The following NCOR1 variants were observed in gnomAD, a reference collection of about 807,000 sequenced individuals.
The protein encoded by NCOR1 is protein phosphatase 1, regulatory subunit 109.
In NCOR1, 63 loss-of-function variants were observed where a neutral mutation model predicts 288.1. That is an observed-to-expected ratio of 0.22 (90% CI 0.18 to 0.27). The LOEUF (loss-of-function observed/expected upper bound fraction) is 0.27, where lower values mean the gene tolerates loss of function less well. Ranked by LOEUF, NCOR1 falls within the 10% of genes least tolerant of loss-of-function variation. The probability of loss-of-function intolerance (pLI) is 1.00; values close to 1 mark genes in which losing one functional copy is unlikely to be tolerated. For missense variants in NCOR1, 2,397 were observed against 3,019.2 expected, an observed-to-expected ratio of 0.79 and a Z score of 4.83; for synonymous variants, 1,007 against 1,065.9, an observed-to-expected ratio of 0.94 and a Z score of 1.08.
At chr17:16,037,048 C>A (rs1009350120) in intron 44 of NCOR1, among the ~76,000 whole-genome samples, 2 of 152,200 alleles carry the variant, frequency 1.3e-5, no homozygotes, top group African/African-American at 4.8e-5. Context: ...CTTCTTTTCA[C>A]TTGAACACTT....
chr17:16,136,276 T>C (rs562152113), intron 14 of NCOR1, among the ~76,000 whole-genome samples: 2 of 152,270 alleles, frequency 1.3e-5, no homozygotes, highest in East Asian at 3.9e-4. Context: ...GCCTCGACTT[T>C]CCAGGCTCAA....
At chr17:16,200,162 G>T (rs1024184733) in intron 1 of NCOR1, among the ~76,000 whole-genome samples, 3 of 152,046 alleles carry the variant, frequency 2.0e-5, no homozygotes, top group Non-Finnish European at 4.4e-5. Flanking sequence ...TTATGCAAAG[G>T]TGTTCAAGGT....
chr17:16,131,136 T>A (rs193237599), intron 14 of NCOR1, among the ~76,000 whole-genome samples: 3 of 151,708 alleles, frequency 2.0e-5, no homozygotes, highest in Admixed American at 2.0e-4. Flanking sequence ...TACACTACAG[T>A]GCACGCCACT....
At chr17:16,041,958 G>C (rs952634737) in intron 42 of NCOR1, among the ~76,000 whole-genome samples, 1 of 151,886 alleles carries the variant, frequency 6.6e-6, no homozygotes, top group South Asian at 2.1e-4. Context: ...GGATGGTCTT[G>C]ATCTCCTGAC....
At chr17:16,171,683 C>A in intron 4 of NCOR1, 120 bp downstream of exon 4, 1 of 910,524 alleles carries the variant, frequency 1.1e-6, no homozygotes, top group South Asian at 3.6e-5. Flanking sequence ...TTTTACTTTC[C>A]CATACCACTA....
At chr17:16,190,373 T>C (rs1319481832) in intron 2 of NCOR1, among the ~76,000 whole-genome samples, 1 of 152,080 alleles carries the variant, frequency 6.6e-6, no homozygotes, top group Non-Finnish European at 1.5e-5. Flanking sequence ...CTCGCTCTGT[T>C]GCCCAGGCTG....
At chr17:16,065,355 G>T in intron 33 of NCOR1, 130 bp downstream of exon 33, 1 of 1,073,418 alleles carries the variant, frequency 9.3e-7, no homozygotes, top group Non-Finnish European at 1.3e-6. Flanking sequence ...AAAAGTCTAC[G>T]GGAGGAAGGA....
chr17:16,128,909 T>C (rs913243992), intron 14 of NCOR1, among the ~76,000 whole-genome samples: 6 of 152,202 alleles, frequency 3.9e-5, no homozygotes, highest in African/African-American at 1.4e-4. Flanking sequence ...CTTGGTCCAC[T>C]TCCAGAACAT....
chr17:16,207,395 A>G (rs1293348401), intron 1 of NCOR1, among the ~76,000 whole-genome samples: 1 of 152,212 alleles, frequency 6.6e-6, no homozygotes, highest in African/African-American at 2.4e-5. Context: ...GGGGCAATCT[A>G]TAAGCATAAA....
At position 16,063,881 on chromosome 17, in the gene NCOR1, G is replaced by A. The variant is rs554936592; in HGVS notation, c.5221+187C>T. Among the ~76,000 whole-genome samples, 18 of 152,278 alleles carry A rather than the reference G, an allele frequency of 1.2e-4. No individual in the cohort carries two copies. In the South Asian group the frequency reaches 3.1e-3, roughly 26 times the overall value. ...ACCTTCATCATGAAAACATTTTTCC[G>A]TGTAAAATTCACGTTTCCACCATCT... On this transcript the variant is annotated intron_variant, in intron 35 of 45. Coordinates refer to ENST00000268712, the MANE Select transcript of NCOR1 (RefSeq NM_006311.4).
rs747560025 is a variant in NCOR1 at position 16,080,707 on chromosome 17, C to G, written c.3198G>C (p.Leu1066Phe). 1.2e-6 allele frequency: 2 copies of G among 1,612,068 alleles called. No individual in the cohort carries two copies. Among genetic ancestry groups the G allele is most frequent in the Non-Finnish European group, 1.7e-6 (2 of 1,179,102 alleles). Residue 1066 changes from leucine (L) to phenylalanine (F), a missense_variant, in exon 24 of 46, where the codon TTG becomes TTC. Transcript: ENST00000268712. ...TGTAGGAAGCCTGATTATGAGAAGT[C>G]AAATAAGTGCCTGGTGTTCCCTAAG... ...SISQGTPGTYLTSHNQASYTQ... is the reference protein window; with the variant it reads ...SISQGTPGTYFTSHNQASYTQ...
Position 16,098,497 on chromosome 17 carries a change from C to T in NCOR1, c.2691-1G>A. 1 of 1,600,218 alleles carries T rather than the reference C, an allele frequency of 6.2e-7. No individual in the cohort carries two copies. On this transcript the variant is annotated splice_acceptor_variant, in intron 20 of 45. Transcript: ENST00000268712. LOFTEE classifies it high-confidence loss of function. ...AGGCTTTGAGTCCATAGGAAACATT[C>T]TGCAATTGCAATTTAAAAAAAAGAT...
chr17:16,039,711 A>G, intron 43 of NCOR1, 57 bp from the exon 44 acceptor site: 9 of 1,459,998 alleles, frequency 6.2e-6, no homozygotes, highest in Non-Finnish European at 8.5e-6. Flanking sequence ...CAGGAAACAA[A>G]CATGCATTGC....
At chr17:16,211,022 C>T (rs892430364) in intron 1 of NCOR1, among the ~76,000 whole-genome samples, 6 of 152,070 alleles carry the variant, frequency 3.9e-5, no homozygotes, top group South Asian at 4.2e-4. Flanking sequence ...TGAGCCACCG[C>T]GCCTGGCCGA....
chr17:16,192,818 A>AGG, intron 2 of NCOR1, among the ~76,000 whole-genome samples: 1 of 152,248 alleles, frequency 6.6e-6, no homozygotes, highest in Non-Finnish European at 1.5e-5. Context: ...AAACTGGAAT[A>AGG]GGTGATTGGA....
Position 16,199,215 on chromosome 17 carries a change from A to C in NCOR1, c.-70-4576T>G, listed in dbSNP as rs2090402563. On this transcript the variant is annotated intron_variant, in intron 1 of 45. Coordinates refer to ENST00000268712, the MANE Select transcript of NCOR1 (RefSeq NM_006311.4). Reference sequence around the variant, plus strand: ...GCCCAATACAGAAGGAAAAAAAAAAAAACACACACACACACACACACACAC... The same window carrying C: ...GCCCAATACAGAAGGAAAAAAAAAACAACACACACACACACACACACACAC... Among the ~76,000 whole-genome samples, 2 of 116,032 alleles carry C rather than the reference A, an allele frequency of 1.7e-5. 1 individual carries two copies. Among genetic ancestry groups the C allele is most frequent in the Middle Eastern group, 7.9e-3 (2 of 252 alleles). 76.1% of individuals were successfully genotyped at this position (116,032 alleles called of 152,430 possible). A position where few individuals can be genotyped will look rare whatever the true frequency, so the allele number is the denominator to read the frequency against.
intron 1 of NCOR1, among the ~76,000 whole-genome samples, chr17:16,197,140 T>C (rs1377632875): frequency 1.3e-5 from 2 of 151,922 alleles, no homozygotes; most frequent in Non-Finnish European, 2.9e-5. Context: ...GCCAGCATGG[T>C]GAAACCTGGT....
At chr17:16,114,265 C>T (rs919079833) in intron 18 of NCOR1, among the ~76,000 whole-genome samples, 2 of 151,726 alleles carry the variant, frequency 1.3e-5, no homozygotes, top group African/African-American at 4.8e-5. Context: ...CCCCATGATT[C>T]AATTATCTCC....
At chr17:16,091,523 G>A in intron 22 of NCOR1, 3 of 1,075,780 alleles carry the variant, frequency 2.8e-6, no homozygotes, top group Non-Finnish European at 3.5e-6. Flanking sequence ...ACTTGAAGGT[G>A]ATTTGCTTCA....
Sources: gnomAD v4.1 joint callset for allele counts (sites outside exome capture counted in the v4.1 genomes callset) on GRCh38, gnomAD v4.1.1 for gene constraint, MANE v1.5 for transcripts, NCBI Gene and HGNC (gene_info 2026-07-23, HGNC 2026-07-21) for gene names.